The following HIVEP3 variants were observed in gnomAD, a reference collection of about 807,000 sequenced individuals.
HIVEP3 encodes HIVEP zinc finger 3, also known as transcription factor HIVEP3.
HIVEP3 carries 49 observed loss-of-function variants against 152.8 expected under a neutral mutation model. That is an observed-to-expected ratio of 0.32 (90% CI 0.26 to 0.41). The LOEUF is 0.41. Among genes scored for constraint, HIVEP3 ranks in the 10% least tolerant of loss-of-function variants. The probability of loss-of-function intolerance (pLI) is 1.00; values close to 1 mark genes in which losing one functional copy is unlikely to be tolerated. For synonymous variants in HIVEP3, 1,269 were observed against 1,289.0 expected, an observed-to-expected ratio of 0.98 and a Z score of 0.33; for missense variants, 2,790 against 3,103.3, an observed-to-expected ratio of 0.90 and a Z score of 2.40.
intron 1 of HIVEP3, among the ~76,000 whole-genome samples, chr1:41,925,182 G>A (rs1006196321): frequency 6.6e-6 from 1 of 152,194 alleles, no homozygotes; most frequent in Non-Finnish European, 1.5e-5. Context: ...GTATGACAGA[G>A]ACTATACGTG....
chr1:41,800,204 T>G (rs1650223674), intron 1 of HIVEP3, among the ~76,000 whole-genome samples: 1 of 152,246 alleles, frequency 6.6e-6, no homozygotes, highest in Admixed American at 6.5e-5. Flanking sequence ...CAATCTGACT[T>G]TGCCCCTCCT....
chr1:41,753,232 C>CA (rs1004219876), intron 1 of HIVEP3, among the ~76,000 whole-genome samples: 1 of 152,148 alleles, frequency 6.6e-6, no homozygotes, highest in Non-Finnish European at 1.5e-5. Context: ...AAATACCTGT[C>CA]AAAAGTGTTT....
At chr1:41,673,695 T>C (rs1645911685) in intron 2 of HIVEP3, among the ~76,000 whole-genome samples, 1 of 152,216 alleles carries the variant, frequency 6.6e-6, no homozygotes, top group South Asian at 2.1e-4. Context: ...CAGGGTATTT[T>C]TGAGGACTCC....
chr1:41,682,109 C>T (rs1432218104), intron 2 of HIVEP3, among the ~76,000 whole-genome samples: 2 of 152,144 alleles, frequency 1.3e-5, no homozygotes, highest in African/African-American at 2.4e-5. Context: ...GTCTCTTTCT[C>T]TCTCTCTCTC....
chr1:41,605,923 G>A (rs188632580), intron 3 of HIVEP3, among the ~76,000 whole-genome samples: 65 of 152,230 alleles, frequency 4.3e-4, no homozygotes, highest in Non-Finnish European at 7.2e-4. Context: ...ACCTTCTCAC[G>A]GTCATGATAC....
chr1:41,740,695 G>C (rs879578012), intron 1 of HIVEP3, among the ~76,000 whole-genome samples: 1 of 152,206 alleles, frequency 6.6e-6, no homozygotes, highest in Non-Finnish European at 1.5e-5. Context: ...ACCAACGTGT[G>C]GGGGGACCCC....
chr1:42,017,127 T>G (rs1465355043), intron 1 of HIVEP3, among the ~76,000 whole-genome samples: 1 of 152,128 alleles, frequency 6.6e-6, no homozygotes, highest in Non-Finnish European at 1.5e-5. Context: ...ATGTTGATAT[T>G]TATTTATTAC....
chr1:41,721,399 T>G (rs746103954), intron 1 of HIVEP3, among the ~76,000 whole-genome samples: 6 of 152,096 alleles, frequency 3.9e-5, no homozygotes, highest in Non-Finnish European at 7.4e-5. Flanking sequence ...GGAGACGGGA[T>G]TTCATCATAT....
At chr1:41,964,568 T>A (rs72637919) in intron 1 of HIVEP3, among the ~76,000 whole-genome samples, 12,856 of 152,252 alleles carry the variant, frequency 0.084, 692 homozygotes, top group South Asian at 0.19. Context: ...GGCTTTAGAC[T>A]GCCATTTTTC....
intron 1 of HIVEP3, among the ~76,000 whole-genome samples, chr1:41,888,964 C>A (rs1644400158): frequency 1.3e-5 from 2 of 149,390 alleles, no homozygotes; most frequent in Admixed American, 6.7e-5. Context: ...ATGCCACACA[C>A]ACACACAAAG....
At chr1:41,788,324 T>C (rs1008030338) in intron 1 of HIVEP3, among the ~76,000 whole-genome samples, 11 of 152,182 alleles carry the variant, frequency 7.2e-5, no homozygotes, top group Non-Finnish European at 8.8e-5. Flanking sequence ...GTAAGACCGC[T>C]TAGAGGACTC....
chr1:42,011,549 G>T (rs1053251618), intron 1 of HIVEP3, among the ~76,000 whole-genome samples: 2 of 152,130 alleles, frequency 1.3e-5, no homozygotes, highest in African/African-American at 4.8e-5. Flanking sequence ...CACCCTTCTT[G>T]TTAGGGTTCT....
intron 1 of HIVEP3, among the ~76,000 whole-genome samples, chr1:41,955,434 A>G (rs1645135246): frequency 6.6e-6 from 1 of 152,230 alleles, no homozygotes; most frequent in African/African-American, 2.4e-5. Flanking sequence ...TTTAGAGGGC[A>G]TAGTTAAATA....
chr1:41,663,409 G>A (rs1196418000), intron 2 of HIVEP3, among the ~76,000 whole-genome samples: 1 of 152,252 alleles, frequency 6.6e-6, no homozygotes, highest in Non-Finnish European at 1.5e-5. Context: ...TCAGGGTCAT[G>A]AAAGTTTGAG....
chr1:41,562,542 C>CTTCT (rs1294576698), intron 5 of HIVEP3, among the ~76,000 whole-genome samples: 21 of 138,540 alleles, frequency 1.5e-4, no homozygotes, highest in African/African-American at 5.5e-4. Flanking sequence ...CCCTTCCTTC[C>CTTCT]TTCCTTCCTT....
At chr1:41,821,810 C>A (rs908030421) in intron 1 of HIVEP3, among the ~76,000 whole-genome samples, 1 of 152,224 alleles carries the variant, frequency 6.6e-6, no homozygotes, top group Non-Finnish European at 1.5e-5. Flanking sequence ...GGGCCTTGGG[C>A]AGCCTCTGTC....
At chr1:41,714,597 G>A (rs900089068) in intron 1 of HIVEP3, among the ~76,000 whole-genome samples, 3 of 152,136 alleles carry the variant, frequency 2.0e-5, no homozygotes, top group Non-Finnish European at 2.9e-5. Flanking sequence ...GCCAGGTCAG[G>A]GGACACAGAG....
chr1:41,889,825 CTTTATACTCATCACTCCCATCT>C lies in HIVEP3; in HGVS notation c.-801+28566_-801+28587del, dbSNP rs1570747945. On this transcript the variant is annotated intron_variant, in intron 1 of 8. Transcript: ENST00000372583. ...GGCTCTGGATAGGGTTTGCAGTCTCCTTTATACTCATCACTCCCATCTAATCCTCACAAGAACCCTGCTCCCC... is the reference window on the plus strand; with the variant it reads ...GGCTCTGGATAGGGTTTGCAGTCTCCAATCCTCACAAGAACCCTGCTCCCC... Among the ~76,000 whole-genome samples, 6 of 152,316 alleles carry C rather than the reference CTTTATACTCATCACTCCCATCT, an allele frequency of 3.9e-5. No individual in the cohort carries two copies. In the East Asian group the frequency reaches 1.2e-3, roughly 29 times the overall value.
chr1:42,015,271 T>G (rs2124531937), intron 1 of HIVEP3, among the ~76,000 whole-genome samples: 1 of 152,316 alleles, frequency 6.6e-6, no homozygotes, highest in Middle Eastern at 3.4e-3. Flanking sequence ...AATGCAACCC[T>G]CTGTTAGAGA....
Sources: gnomAD v4.1 joint callset for allele counts (sites outside exome capture counted in the v4.1 genomes callset) on GRCh38, gnomAD v4.1.1 for gene constraint, MANE v1.5 for transcripts, NCBI Gene and HGNC (gene_info 2026-07-23, HGNC 2026-07-21) for gene names.